The following ACSF2 variants were observed in gnomAD, a reference collection of about 807,000 sequenced individuals.
ACSF2 encodes acyl-CoA synthetase family member 2, also known as medium-chain acyl-CoA ligase ACSF2, mitochondrial.
A neutral mutation model predicts 79.3 loss-of-function variants in ACSF2; 52 were observed. The ratio of observed to expected loss-of-function variants is 0.66; its 90% confidence interval spans 0.53 to 0.83. ACSF2 has a LOEUF of 0.83. Among genes scored for constraint, ACSF2 ranks in the 40% least tolerant of loss-of-function variants. The pLI, the probability that ACSF2 is intolerant of heterozygous loss-of-function variation, is 0.00. For missense variants in ACSF2, 661 were observed against 803.3 expected, an observed-to-expected ratio of 0.82 and a Z score of 2.14; for synonymous variants, 283 against 312.6, an observed-to-expected ratio of 0.91 and a Z score of 1.00.
chr17:50,430,408 C>G (rs1460410798), intron 1 of ACSF2, among the ~76,000 whole-genome samples: 3 of 152,196 alleles, frequency 2.0e-5, no homozygotes, highest in African/African-American at 7.2e-5. Context: ...TGGCTCACAC[C>G]TGTAATCCCG....
intron 1 of ACSF2, among the ~76,000 whole-genome samples, chr17:50,433,995 C>T (rs1048954362): frequency 1.6e-4 from 25 of 151,934 alleles, no homozygotes; most frequent in African/African-American, 6.0e-4. Context: ...TACATACTTA[C>T]AAACACACCA....
chr17:50,462,101 G>A, intron 4 of ACSF2, 83 bp from the exon 5 acceptor site: 2 of 1,177,588 alleles, frequency 1.7e-6, no homozygotes, highest in South Asian at 1.3e-5. Flanking sequence ...ATCTGTATGA[G>A]AGCAGCTGAT....
intron 1 of ACSF2, among the ~76,000 whole-genome samples, chr17:50,432,440 A>G (rs898916707): frequency 1.4e-4 from 21 of 152,138 alleles, no homozygotes; most frequent in African/African-American, 5.1e-4. Flanking sequence ...TAGGAGGGAG[A>G]AGGTTCCAGC....
chr17:50,464,774 G>T lies in ACSF2; in HGVS notation c.1215+480G>T, dbSNP rs915565212. On this transcript the variant is annotated intron_variant, in intron 10 of 15. Transcript: ENST00000300441. ...TGTTGTGGTTCTGATTGACTTGGGGGGGGGGTCTCAGCAACAGCTTCTCCA... is the reference window on the plus strand; with the variant it reads ...TGTTGTGGTTCTGATTGACTTGGGGTGGGGGTCTCAGCAACAGCTTCTCCA... The T allele has an allele frequency of 9.0e-6, 3 of 333,130 alleles. 1 individual carries two copies. Among genetic ancestry groups the T allele is most frequent in the Non-Finnish European group, 1.8e-5 (3 of 169,560 alleles). The allele number at this position is 333,130 out of a possible 1,614,324, so 20.6% of individuals were successfully genotyped here. A position where few individuals can be genotyped will look rare whatever the true frequency, so the allele number is the denominator to read the frequency against.
chr17:50,467,084 C>T (rs1567860635), intron 10 of ACSF2, among the ~76,000 whole-genome samples: 1 of 152,352 alleles, frequency 6.6e-6, no homozygotes, highest in East Asian at 1.9e-4. Context: ...GTTCCCCACC[C>T]AAACCTCCTG....
intron 1 of ACSF2, among the ~76,000 whole-genome samples, chr17:50,439,591 C>T (rs9891005): frequency 0.24 from 36,982 of 151,948 alleles, 5,009 homozygotes; most frequent in Non-Finnish European, 0.31. Flanking sequence ...TTAGGTATTG[C>T]CCTGGCGAGA....
chr17:50,449,955 T>A (rs2143626021), intron 1 of ACSF2, among the ~76,000 whole-genome samples: 1 of 152,234 alleles, frequency 6.6e-6, no homozygotes, highest in African/African-American at 2.4e-5. Context: ...CTAGACAGCT[T>A]TTACCTTCAG....
chr17:50,431,004 G>A (rs1337824961), intron 1 of ACSF2, among the ~76,000 whole-genome samples: 13 of 152,174 alleles, frequency 8.5e-5, no homozygotes, highest in African/African-American at 2.4e-4. Context: ...CTATACAAGC[G>A]CCTTGTATTA....
At chr17:50,455,854 C>T (rs945140135) in intron 1 of ACSF2, among the ~76,000 whole-genome samples, 8 of 152,280 alleles carry the variant, frequency 5.3e-5, no homozygotes, top group Admixed American at 3.9e-4. Context: ...AGCAGTGTTC[C>T]TCCTTCACTG....
At chr17:50,427,096 A>T (rs1015583593) in intron 1 of ACSF2, 2 of 1,056,052 alleles carry the variant, frequency 1.9e-6, no homozygotes, top group African/African-American at 3.1e-5. Context: ...CAGGGCTGTT[A>T]GCTTCAGCAG....
chr17:50,467,169 C>A (rs1480673431), intron 10 of ACSF2, among the ~76,000 whole-genome samples: 2 of 152,232 alleles, frequency 1.3e-5, no homozygotes, highest in Non-Finnish European at 2.9e-5. Context: ...GTAGCCCCAC[C>A]TGGCCAGACA....
At chr17:50,465,283 C>T (rs773648516) in intron 10 of ACSF2, 1 of 1,613,922 alleles carries the variant, frequency 6.2e-7, no homozygotes, top group South Asian at 1.1e-5. Flanking sequence ...ACCTGTTTAC[C>T]TGGCCCCCAC....
chr17:50,471,385 C>A lies in ACSF2; in HGVS notation c.1323+250C>A. On this transcript the variant is annotated intron_variant, in intron 11 of 15. Coordinates refer to ENST00000300441, the MANE Select transcript of ACSF2 (RefSeq NM_025149.6). This position sits in a 1 kb window ranked among gnomAD's most constrained non-coding sequence, Gnocchi z 4.1. ...ACTTCTCCGCGGCCTCCCTTCCTGTCTGAGGTGTGTTTTTGCCAAGCCCAC... is the reference window on the plus strand; with the variant it reads ...ACTTCTCCGCGGCCTCCCTTCCTGTATGAGGTGTGTTTTTGCCAAGCCCAC... 1 of 503,424 alleles carries A rather than the reference C, an allele frequency of 2.0e-6. No homozygotes were observed. Among genetic ancestry groups the A allele is most frequent in the Non-Finnish European group, 3.6e-6 (1 of 275,308 alleles). 31.2% of individuals were successfully genotyped at this position (503,424 alleles called of 1,614,324 possible). A position where few individuals can be genotyped will look rare whatever the true frequency, so the allele number is the denominator to read the frequency against.
chr17:50,446,224 A>G (rs1404777081), intron 1 of ACSF2, among the ~76,000 whole-genome samples: 1 of 152,060 alleles, frequency 6.6e-6, no homozygotes, highest in East Asian at 1.9e-4. Context: ...AATTATGACT[A>G]CATTGGCAGT....
At chr17:50,470,540 C>T (rs1287433324) in intron 10 of ACSF2, among the ~76,000 whole-genome samples, 4 of 151,588 alleles carry the variant, frequency 2.6e-5, no homozygotes, top group Non-Finnish European at 1.5e-5. Context: ...TTGCAGAATG[C>T]GGGGGTGGGG....
chr17:50,465,784 G>A, intron 10 of ACSF2: 1 of 1,613,886 alleles, frequency 6.2e-7, no homozygotes, highest in Non-Finnish European at 8.5e-7. Context: ...TGTCGAAGGG[G>A]AAGTTGGAGG....
At chr17:50,438,983 A>G (rs958663418) in intron 1 of ACSF2, among the ~76,000 whole-genome samples, 2 of 152,182 alleles carry the variant, frequency 1.3e-5, no homozygotes, top group East Asian at 3.8e-4. Context: ...TTGTTTAAAC[A>G]TGGAAAGTAC....
At position 50,426,233 on chromosome 17, in the gene ACSF2, T is replaced by G; in HGVS notation, c.-29T>G. ...GCCCCGGCTCACTTTAAAAGTTTACTCGGGCCGGGACGCAGGGCAAAGCGA... is the reference window on the plus strand; with the variant it reads ...GCCCCGGCTCACTTTAAAAGTTTACGCGGGCCGGGACGCAGGGCAAAGCGA... On this transcript the variant is annotated 5_prime_UTR_variant, in exon 1 of 16. Coordinates refer to ENST00000300441, the MANE Select transcript of ACSF2 (RefSeq NM_025149.6). 1 of 1,295,458 alleles carries G rather than the reference T, an allele frequency of 7.7e-7. No individual in the cohort carries two copies. Among genetic ancestry groups the G allele is most frequent in the Non-Finnish European group, 9.9e-7 (1 of 1,014,752 alleles). The allele number at this position is 1,295,458 out of a possible 1,614,324, so 80.2% of individuals were successfully genotyped here. A position where few individuals can be genotyped will look rare whatever the true frequency, so the allele number is the denominator to read the frequency against.
chr17:50,463,210 A>G lies in ACSF2; in HGVS notation c.847A>G (p.Asn283Asp). The G allele has an allele frequency of 6.2e-7, 1 of 1,614,140 alleles. No individual in the cohort carries two copies. The highest frequency in any genetic ancestry group is 8.5e-7 in the Non-Finnish European group (1 of 1,180,048). ...CCTCTCCCACTACAACATTGTCAAC[A>G]ACTCCAACATTTTAGGAGAGCGCCT... ...ATLSHYNIVNNSNILGERLKL... is the reference protein window; with the variant it reads ...ATLSHYNIVNDSNILGERLKL... The change falls in exon 7 of 16, where the codon AAC (asparagine) becomes GAC (aspartate). Residue 283 changes from asparagine (N) to aspartate (D), a missense_variant. Asn to Asp is a conservative substitution (Grantham distance 23, BLOSUM62 1). Coordinates refer to ENST00000300441, the MANE Select transcript of ACSF2 (RefSeq NM_025149.6). The surrounding 1 kb of genome is among the most constrained non-coding windows in gnomAD (Gnocchi z 4.6).
Sources: gnomAD v4.1 joint callset for allele counts (sites outside exome capture counted in the v4.1 genomes callset) on GRCh38, gnomAD v4.1.1 for gene constraint, Gnocchi (gnomAD v3.1) non-coding constraint, MANE v1.5 for transcripts, NCBI Gene and HGNC (gene_info 2026-07-23, HGNC 2026-07-21) for gene names.